Variants in SAMHD1 observed in about 807,000 individuals in gnomAD.
The protein encoded by SAMHD1 is SAM and HD domain containing deoxynucleoside triphosphate triphosphohydrolase 1.
In SAMHD1, 54 loss-of-function variants were observed where a neutral mutation model predicts 79.6. The ratio of observed to expected loss-of-function variants is 0.68; its 90% CI spans 0.55 to 0.85. The LOEUF (loss-of-function observed/expected upper bound fraction) is 0.85. Among genes scored for constraint, SAMHD1 ranks in the 40% least tolerant of loss-of-function variants. The pLI, the probability that SAMHD1 is intolerant of heterozygous loss-of-function variation, is 0.00. For synonymous variants in SAMHD1, 260 were observed against 264.1 expected (o/e 0.98, Z 0.15); for missense variants, 663 against 782.7 (o/e 0.85, Z 1.82).
At chr20:36,904,587 G>C (rs1373504202) in intron 12 of SAMHD1, 7 of 333,288 alleles carry the variant, frequency 2.1e-5, no homozygotes, top group Non-Finnish European at 4.1e-5. Context: ...CGTGGTGGCG[G>C]GTGCCTGTAA....
chr20:36,911,847 A>C (rs1373958662), intron 10 of SAMHD1: 1 of 176,386 alleles, frequency 5.7e-6, no homozygotes, highest in Non-Finnish European at 1.2e-5. Flanking sequence ...ATGAAAAGTT[A>C]ATCAATTTAA....
intron 2 of SAMHD1, among the ~76,000 whole-genome samples, chr20:36,941,683 C>T (rs2063645063): frequency 6.6e-6 from 1 of 152,068 alleles, no homozygotes; most frequent in Non-Finnish European, 1.5e-5. Flanking sequence ...CATCCTCCCT[C>T]CTGGCTGGGT....
At chr20:36,904,703 C>G (rs751349090) in intron 12 of SAMHD1, 2 of 186,142 alleles carry the variant, frequency 1.1e-5, no homozygotes, top group Admixed American at 5.5e-5. Flanking sequence ...GGTGACAGAG[C>G]GAGACTCTGT....
chr20:36,897,607 G>A, intron 15 of SAMHD1: 1 of 607,054 alleles, frequency 1.6e-6, no homozygotes, highest in Non-Finnish European at 2.9e-6. Flanking sequence ...GGACAATAAT[G>A]CTAAACAGTA....
Position 36,909,680 on chromosome 20 carries a change from CA to C in SAMHD1, c.1270+1537del, listed in dbSNP as rs56389967. 2.6e-4 allele frequency among the ~76,000 whole-genome samples: 32 copies of C among 121,186 alleles called. No individual in the cohort carries two copies. In the East Asian group the frequency reaches 3.7e-3, roughly 14 times the overall value. The allele number at this position is 121,186 out of a possible 152,430, so 79.5% of individuals were successfully genotyped here. A position where few individuals can be genotyped will look rare whatever the true frequency, so the allele number is the denominator to read the frequency against. ...GAGCAAAACTCTGTCCACCCCCCTCCAAAAAAAAAAAAAAAAAAAAAAAAGA... is the reference window on the plus strand; with the variant it reads ...GAGCAAAACTCTGTCCACCCCCCTCCAAAAAAAAAAAAAAAAAAAAAAAGA... On this transcript the variant is annotated intron_variant, in intron 11 of 15. Coordinates refer to ENST00000646673, the MANE Select transcript of SAMHD1 (RefSeq NM_015474.4).
intron 13 of SAMHD1, among the ~76,000 whole-genome samples, chr20:36,899,059 T>C (rs1295366826): frequency 6.6e-6 from 1 of 151,814 alleles, no homozygotes; most frequent in Non-Finnish European, 1.5e-5. Flanking sequence ...CTGGGAAGAA[T>C]GGGAAATGCA....
intron 11 of SAMHD1, among the ~76,000 whole-genome samples, chr20:36,910,525 T>G (rs990148154): frequency 6.6e-6 from 1 of 151,288 alleles, no homozygotes; most frequent in Non-Finnish European, 1.5e-5. Flanking sequence ...AGGTCAGGAG[T>G]TCGAGAAGAC....
intron 6 of SAMHD1, among the ~76,000 whole-genome samples, chr20:36,921,407 A>AC (rs1437764188): frequency 2.6e-5 from 4 of 151,632 alleles, no homozygotes; most frequent in African/African-American, 9.7e-5. Context: ...AAAAAAAAAA[A>AC]AAAAACGAAT....
chr20:36,916,508 C>A (rs2063476736), intron 9 of SAMHD1: 1 of 480,816 alleles, frequency 2.1e-6, no homozygotes, highest in South Asian at 2.4e-5. Context: ...AACCCCAAAA[C>A]CAGTGTCTAA....
rs1431102124 is a variant in SAMHD1, at chr20:36,890,425, TTC to T, written c.*2505_*2506del. The T allele has an allele frequency of 6.6e-6, 1 of 151,494 alleles. No individual in the cohort carries two copies. The highest frequency in any genetic ancestry group is 2.4e-5 in the African/African-American group (1 of 41,232). The allele number at this position is 151,494 out of a possible 1,614,324, so 9.4% of individuals were successfully genotyped here. ...TTCTTTCTTTCTTTCTTTCTTTTCT[TTC>T]TCTCTTTCCTTCCTTCCTTCCCTCC... is the stretch of plus-strand genomic sequence containing the variant. On this transcript the variant is annotated 3_prime_UTR_variant, in exon 16 of 16. Transcript: ENST00000646673.
intron 11 of SAMHD1, among the ~76,000 whole-genome samples, chr20:36,910,858 T>C (rs954800347): frequency 6.6e-5 from 10 of 152,162 alleles, no homozygotes; most frequent in Non-Finnish European, 1.2e-4. Flanking sequence ...ATTTTATAGA[T>C]GAAAGATTCA....
At chr20:36,946,842 T>C (rs1226465323) in intron 1 of SAMHD1, 38 bp from the exon 2 acceptor site, 2 of 1,504,800 alleles carry the variant, frequency 1.3e-6, no homozygotes, top group African/African-American at 1.4e-5. Context: ...GTATACAACA[T>C]ATGCTTTTCA....
At chr20:36,935,439 G>T in intron 3 of SAMHD1, 1 of 501,076 alleles carries the variant, frequency 2.0e-6, no homozygotes, top group Non-Finnish European at 3.6e-6. Flanking sequence ...TAAGGATTTT[G>T]ATTTTTTATT....
rs139345624 is a variant in SAMHD1 at position 36,898,356 on chromosome 20, A to G, written c.1608+84T>C. On this transcript the variant is annotated intron_variant, in intron 14 of 15. Transcript: ENST00000646673. ...TTTAATTGTAAAGATATGCCTTAAA[A>G]CCTAATTTGCATATAAAATGCTAAT... 1.8e-4 allele frequency: 189 copies of G among 1,059,292 alleles called. No individual in the cohort carries two copies. In the African/African-American group the frequency reaches 2.7e-3, roughly 15 times the overall value. 65.6% of individuals were successfully genotyped at this position (1,059,292 alleles called of 1,614,324 possible). A position where few individuals can be genotyped will look rare whatever the true frequency, so the allele number is the denominator to read the frequency against.
intron 11 of SAMHD1, among the ~76,000 whole-genome samples, chr20:36,909,768 G>A (rs2063426414): frequency 6.6e-6 from 1 of 150,420 alleles, no homozygotes; most frequent in Non-Finnish European, 1.5e-5. Flanking sequence ...TTTTGTTTCT[G>A]CAGAAGTGTG....
chr20:36,943,282 G>A (rs539442091), intron 2 of SAMHD1, among the ~76,000 whole-genome samples: 7 of 152,282 alleles, frequency 4.6e-5, no homozygotes, highest in African/African-American at 1.7e-4. Context: ...AACTTTCTGC[G>A]ATGATGGAAA....
intron 6 of SAMHD1, among the ~76,000 whole-genome samples, chr20:36,926,275 C>A (rs1436637204): frequency 6.6e-6 from 1 of 152,074 alleles, no homozygotes; most frequent in Non-Finnish European, 1.5e-5. Context: ...TACTGAGGCA[C>A]ATAACATGAA....
intron 14 of SAMHD1, among the ~76,000 whole-genome samples, 195 bp from the exon 15 acceptor site, chr20:36,898,154 C>T (rs1385595274): frequency 1.3e-5 from 2 of 152,108 alleles, no homozygotes; most frequent in African/African-American, 4.8e-5. Context: ...ACCTCAGCCT[C>T]CTAAGTAGTT....
chr20:36,941,439 T>C (rs541449902), intron 2 of SAMHD1, among the ~76,000 whole-genome samples: 1 of 152,270 alleles, frequency 6.6e-6, no homozygotes, highest in South Asian at 2.1e-4. Context: ...CAAACTGAAG[T>C]CAACATCTAC....
Sources: allele counts gnomAD v4.1 joint callset (sites outside exome capture counted in the v4.1 genomes callset), GRCh38; gene constraint gnomAD v4.1.1; transcripts MANE v1.5; gene names NCBI Gene and HGNC (gene_info 2026-07-23, HGNC 2026-07-21).